COPG2: variants seen among roughly 807,000 people sequenced by gnomAD.
COPG2 encodes coatomer subunit gamma-2.
A neutral mutation model predicts 46.3 loss-of-function variants in COPG2; 37 were observed. The observed-to-expected ratio is 0.80, with a 90% CI of 0.61 to 1.05. The LOEUF (loss-of-function observed/expected upper bound fraction) is 1.05. COPG2 is among the 50% of genes least tolerant of loss of function. COPG2 has a pLI of 0.00. For synonymous variants in COPG2, 159 were observed against 129.7 expected (o/e 1.23, Z -1.53); for missense variants, 427 against 387.8 (o/e 1.10, Z -0.85).
chr7:130,551,375 C>T (rs2116387249), intron 15 of COPG2, 31 bp from the exon 16 acceptor site: 1 of 398,304 alleles, frequency 2.5e-6, no homozygotes, highest in East Asian at 3.6e-5. Flanking sequence ...AGTCATGTCA[C>T]AGTACCCCAA....
In COPG2 at chr7:130,543,092, G is replaced by T. The variant is rs1793370096; in HGVS notation, c.2149+4582C>A. Among the ~76,000 whole-genome samples the T allele has an allele frequency of 3.3e-5, 5 of 152,208 alleles. No individual in the cohort carries two copies. The South Asian group carries it at 1.0e-3, about 32-fold the overall frequency. Reference sequence around the variant, plus strand: ...ATGGTAAAGCAACCCCAACTGATATGGAAGGCAGTGTTGGCAATCACTGAA... The same window carrying T: ...ATGGTAAAGCAACCCCAACTGATATTGAAGGCAGTGTTGGCAATCACTGAA... On this transcript the variant is annotated intron_variant, in intron 20 of 23. Coordinates refer to ENST00000425248, the MANE Select transcript of COPG2 (RefSeq NM_012133.6).
chr7:130,518,575 C>T (rs935984427), intron 20 of COPG2, among the ~76,000 whole-genome samples: 1 of 152,034 alleles, frequency 6.6e-6, no homozygotes, highest in Non-Finnish European at 1.5e-5. Flanking sequence ...GCTGATAATA[C>T]TGATGTTAAT....
chr7:130,528,786 T>G (rs1051067551), intron 20 of COPG2, among the ~76,000 whole-genome samples: 1 of 151,392 alleles, frequency 6.6e-6, no homozygotes, highest in African/African-American at 2.4e-5. Flanking sequence ...AGAGGAGAGC[T>G]TGTTGAGAGC....
intron 20 of COPG2, among the ~76,000 whole-genome samples, chr7:130,531,050 G>A (rs1799819794): frequency 7.6e-6 from 1 of 131,666 alleles, no homozygotes; most frequent in African/African-American, 2.8e-5. Context: ...ATCCGGTGGG[G>A]AAGGGTGGGT....
At chr7:130,593,485 T>C (rs1348639340) in intron 9 of COPG2, among the ~76,000 whole-genome samples, 2 of 151,964 alleles carry the variant, frequency 1.3e-5, no homozygotes, top group African/African-American at 4.8e-5. Context: ...TACAGAAAAG[T>C]AAGGGAGGAA....
intron 9 of COPG2, chr7:130,610,428 G>C (rs973507622): frequency 2.4e-6 from 1 of 424,056 alleles, no homozygotes; most frequent in African/African-American, 2.1e-5. Flanking sequence ...TCAGCCATAA[G>C]CCTTCAGGCT....
chr7:130,635,523 G>A (rs1390981130), intron 5 of COPG2, among the ~76,000 whole-genome samples: 1 of 147,772 alleles, frequency 6.8e-6, no homozygotes, highest in African/African-American at 2.5e-5. Context: ...ATTCTGTTAT[G>A]GTAGTTTGTA....
intron 20 of COPG2, among the ~76,000 whole-genome samples, chr7:130,541,244 C>T (rs1294006097): frequency 6.6e-6 from 1 of 152,156 alleles, no homozygotes; most frequent in Non-Finnish European, 1.5e-5. Flanking sequence ...CGGTCCCAGA[C>T]TCAAGGTGGA....
chr7:130,627,593 C>T (rs1795140506), intron 5 of COPG2, among the ~76,000 whole-genome samples: 1 of 152,172 alleles, frequency 6.6e-6, no homozygotes, highest in African/African-American at 2.4e-5. Context: ...CTACACCCAT[C>T]TTGGGCAATT....
At chr7:130,522,090 C>T (rs1799728789) in intron 20 of COPG2, among the ~76,000 whole-genome samples, 2 of 152,222 alleles carry the variant, frequency 1.3e-5, no homozygotes, top group Admixed American at 6.5e-5. Context: ...CTAGAAAGGG[C>T]TGCTCACTGC....
chr7:130,622,206 A>C (rs997809653), intron 5 of COPG2, among the ~76,000 whole-genome samples: 1 of 152,170 alleles, frequency 6.6e-6, no homozygotes, highest in Non-Finnish European at 1.5e-5. Context: ...TGGTTATTTA[A>C]TGAGCAATCT....
intron 9 of COPG2, among the ~76,000 whole-genome samples, chr7:130,595,062 G>A (rs1554449537): frequency 6.6e-6 from 1 of 152,104 alleles, no homozygotes. Flanking sequence ...AATTACACAT[G>A]ACCATTTATA....
At chr7:130,640,707 G>C (rs1054756011) in intron 5 of COPG2, among the ~76,000 whole-genome samples, 18 of 152,154 alleles carry the variant, frequency 1.2e-4, no homozygotes, top group Admixed American at 4.6e-4. Context: ...AAAAGAGAAG[G>C]GAAGTAGGAG....
chr7:130,638,262 G>A (rs1340329110), intron 5 of COPG2, among the ~76,000 whole-genome samples: 2 of 151,818 alleles, frequency 1.3e-5, no homozygotes, highest in Non-Finnish European at 2.9e-5. Context: ...TGTTCTGGGA[G>A]ATCTGCTGTC....
chr7:130,534,449 A>T (rs1327386324), intron 20 of COPG2, among the ~76,000 whole-genome samples: 1 of 152,086 alleles, frequency 6.6e-6, no homozygotes, highest in Non-Finnish European at 1.5e-5. Context: ...GGAGAAAGAT[A>T]TGGAGGTGCA....
At chr7:130,566,183 C>A (rs2116408754) in intron 9 of COPG2, among the ~76,000 whole-genome samples, 1 of 152,312 alleles carries the variant, frequency 6.6e-6, no homozygotes, top group Non-Finnish European at 1.5e-5. Context: ...AATAGTCATT[C>A]TGACTGGTGT....
chr7:130,653,358 A>G (rs1795786760), intron 4 of COPG2, among the ~76,000 whole-genome samples: 1 of 152,146 alleles, frequency 6.6e-6, no homozygotes, highest in African/African-American at 2.4e-5. Context: ...GGTTCAAGCA[A>G]TTCTCCTGCC....
chr7:130,614,266 C>T (rs1794907117), intron 6 of COPG2, among the ~76,000 whole-genome samples: 1 of 152,152 alleles, frequency 6.6e-6, no homozygotes, highest in Non-Finnish European at 1.5e-5. Context: ...ATTGCTAGCA[C>T]TAGCATGGTC....
chr7:130,607,772 G>A (rs528365145), intron 9 of COPG2: 2 of 519,944 alleles, frequency 3.8e-6, no homozygotes, highest in South Asian at 2.8e-5. Context: ...TGACCACTCT[G>A]TCCAGAAATA....
Sources: gnomAD v4.1 joint callset for allele counts (sites outside exome capture counted in the v4.1 genomes callset) on GRCh38, gnomAD v4.1.1 for gene constraint, MANE v1.5 for transcripts, NCBI Gene and HGNC (gene_info 2026-07-23, HGNC 2026-07-21) for gene names.